Variants in LGI2 observed in about 807,000 individuals in gnomAD.
LGI2 encodes the protein leucine-rich repeat LGI family member 2.
Under a neutral mutation model 52.0 loss-of-function variants are expected in LGI2, and 30 were observed. The observed-to-expected ratio is 0.58, with a 90% CI of 0.43 to 0.78. The LOEUF (loss-of-function observed/expected upper bound fraction) is 0.78, where lower values mean the gene tolerates loss of function less well. Ranked by LOEUF, LGI2 falls within the 30% of genes least tolerant of loss-of-function variation. The pLI is 0.00. For missense variants in LGI2, 573 were observed against 692.5 expected (o/e 0.83, Z 1.94); for synonymous variants, 270 against 271.8 (o/e 0.99, Z 0.06).
At chr4:25,020,046 T>C (rs1421333109) in intron 4 of LGI2, among the ~76,000 whole-genome samples, 1 of 152,166 alleles carries the variant, frequency 6.6e-6, no homozygotes, top group Non-Finnish European at 1.5e-5. Context: ...TCCCAAGAAG[T>C]TCCCTAATGG....
At chr4:25,026,368 T>C (rs374511176) in intron 3 of LGI2, among the ~76,000 whole-genome samples, 63 of 152,020 alleles carry the variant, frequency 4.1e-4, no homozygotes, top group African/African-American at 1.5e-3. Flanking sequence ...ATGACCTTTT[T>C]TTAAGGAAAA....
Position 25,026,897 on chromosome 4 carries a change from A to C in LGI2, c.312T>G (p.Ala104=), listed in dbSNP as rs761914473. The C allele has an allele frequency of 1.9e-6, 3 of 1,613,722 alleles. No individual in the cohort carries two copies. In the South Asian group the frequency reaches 3.3e-5, roughly 18 times the overall value. Residue 104 remains alanine, a synonymous_variant, in exon 3 of 8, where the codon GCT becomes GCG. Transcript: ENST00000382114. ...SNSFTIIRDD[A]FAGLFHLEYL... ...ATTCAAGATGAAAAAGTCCAGCAAA[A>C]GCATCATCCCGGATGATCGTGAATG...
rs2109428747 is a variant in LGI2, at chr4:25,028,974, G to C, written c.198-396C>G. ...TGTTGGCCTATGAAATGCTGGGGTA[G>C]GATTAAGCATTCCTCTTGGGACCCC... is the stretch of plus-strand genomic sequence containing the variant. On this transcript the variant is annotated intron_variant, in intron 1 of 7. Transcript: ENST00000382114. Among the ~76,000 whole-genome samples, 2 of 152,268 alleles carry C rather than the reference G, an allele frequency of 1.3e-5. 1 individual carries two copies. Among genetic ancestry groups the C allele is most frequent in the Middle Eastern group, 6.8e-3 (2 of 294 alleles).
At chr4:25,018,723 G>T (rs1725851905) in intron 5 of LGI2, among the ~76,000 whole-genome samples, 1 of 152,042 alleles carries the variant, frequency 6.6e-6, no homozygotes, top group Admixed American at 6.6e-5. Context: ...TTAGCTGGGG[G>T]TAGTGGTGTG....
At chr4:24,992,163 G>C in the LGI2 span, among the ~76,000 whole-genome samples, 3 of 152,178 alleles carry the variant, frequency 2.0e-5, no homozygotes, top group South Asian at 2.1e-4. Context: ...GCACACACAG[G>C]AAAGTGCTAG....
the LGI2 span, among the ~76,000 whole-genome samples, chr4:24,993,036 C>T: frequency 6.6e-6 from 1 of 152,196 alleles, no homozygotes; most frequent in Non-Finnish European, 1.5e-5. Context: ...TGACTCCAGA[C>T]AAGTTCCTTA....
chr4:24,993,948 C>T (rs993620), downstream of LGI2, among the ~76,000 whole-genome samples: 17,605 of 152,188 alleles, frequency 0.12, 1,243 homozygotes, highest in East Asian at 0.21. Flanking sequence ...GCAGATACTC[C>T]ACTTTGCTGA....
At position 25,002,594 on chromosome 4, in the gene LGI2, G is replaced by C. The variant is rs1226377500; in HGVS notation, c.*857C>G. On this transcript the variant is annotated 3_prime_UTR_variant, in exon 8 of 8. Transcript: ENST00000382114. ...GAAATAACTGTTTCATCCCTCTAAA[G>C]GATGAAATGAAAAGCACCAGTCTTT... is the stretch of plus-strand genomic sequence containing the variant. The C allele has an allele frequency of 6.6e-6, 1 of 152,608 alleles. No individual in the cohort carries two copies. The highest frequency in any genetic ancestry group is 1.5e-5 in the Non-Finnish European group (1 of 68,034). 9.5% of individuals were successfully genotyped at this position (152,608 alleles called of 1,614,324 possible).
In LGI2 at chr4:25,030,526, G is replaced by C. The variant is rs898734797; in HGVS notation, c.168C>G (p.Pro56=). Residue 56 remains proline, a synonymous_variant, in exon 1 of 8, where the codon CCC becomes CCG. Transcript: ENST00000382114. Reference sequence around the variant, plus strand: ...AGCTGATGTCGCCCGGCACGATCCTGGGCACCCAGGAAGAGCCCACGCAGA... The same window carrying C: ...AGCTGATGTCGCCCGGCACGATCCTCGGCACCCAGGAAGAGCCCACGCAGA... ...SIICVGSSWV[P]RIVPGDISSL... 1.1e-5 allele frequency: 18 copies of C among 1,596,168 alleles called. No homozygotes were observed. The African/African-American group carries it at 2.3e-4, about 20-fold the overall frequency.
At chr4:25,015,022 T>C (rs1180648622) in intron 6 of LGI2, among the ~76,000 whole-genome samples, 2 of 152,210 alleles carry the variant, frequency 1.3e-5, no homozygotes, top group East Asian at 3.8e-4. Context: ...CACATATTGA[T>C]GTGACATCAA....
chr4:25,017,259 T>A (rs955473641), intron 6 of LGI2, among the ~76,000 whole-genome samples: 1 of 152,098 alleles, frequency 6.6e-6, no homozygotes, highest in Non-Finnish European at 1.5e-5. Context: ...AGTCTGGTGT[T>A]TGGGCCAGGC....
intron 4 of LGI2, among the ~76,000 whole-genome samples, chr4:25,023,462 C>CA (rs1726041437): frequency 6.6e-6 from 1 of 152,254 alleles, no homozygotes; most frequent in South Asian, 2.1e-4. Context: ...TCTGCTCCCT[C>CA]ATCTCCTTAC....
At chr4:25,017,902 C>A (rs922883479) in intron 6 of LGI2, 87 bp downstream of exon 6, 5 of 1,203,250 alleles carry the variant, frequency 4.2e-6, no homozygotes, top group Non-Finnish European at 5.6e-6. Context: ...TCTATATTCA[C>A]TTTTCCCCAG....
downstream of LGI2, among the ~76,000 whole-genome samples, chr4:24,995,883 G>A (rs1725061313): frequency 6.6e-6 from 1 of 152,224 alleles, no homozygotes; most frequent in Admixed American, 6.5e-5. Context: ...AACATTTAGA[G>A]CTCCTTTCTC....
At chr4:25,008,445 C>T (rs144502770) in intron 7 of LGI2, among the ~76,000 whole-genome samples, 53 of 149,566 alleles carry the variant, frequency 3.5e-4, no homozygotes, top group African/African-American at 1.3e-3. Flanking sequence ...CCCAGATACT[C>T]GGGAGGCTGA....
chr4:25,008,553 CAAAAAAA>C (rs33920247), intron 7 of LGI2, among the ~76,000 whole-genome samples: 1 of 86,012 alleles, frequency 1.2e-5, no homozygotes, highest in Non-Finnish European at 2.3e-5. Flanking sequence ...GACTCTGTCT[CAAAAAAA>C]AAAAAAAAAA....
Position 24,999,548 on chromosome 4 carries a change from T to A in LGI2, c.*3903A>T, listed in dbSNP as rs1433420422. The A allele has an allele frequency of 4.2e-6, 1 of 237,966 alleles. No homozygotes were observed. The highest frequency in any genetic ancestry group is 2.3e-5 in the African/African-American group (1 of 43,390). 14.7% of individuals were successfully genotyped at this position (237,966 alleles called of 1,614,324 possible). Reference sequence around the variant, plus strand: ...TTGGCCGCTGCCTAATTAAAGAACTTCCTTCCGCAGCTGCGAAGGAGAGGC... The same window carrying A: ...TTGGCCGCTGCCTAATTAAAGAACTACCTTCCGCAGCTGCGAAGGAGAGGC... On this transcript the variant is annotated 3_prime_UTR_variant, in exon 8 of 8. Transcript: ENST00000382114.
intron 6 of LGI2, among the ~76,000 whole-genome samples, chr4:25,016,754 A>G (rs913543814): frequency 1.3e-5 from 2 of 152,308 alleles, no homozygotes; most frequent in African/African-American, 4.8e-5. Flanking sequence ...TGGCCTAAAT[A>G]TGATATTTTG....
At chr4:25,005,399 T>C (rs1043286529) in intron 7 of LGI2, among the ~76,000 whole-genome samples, 24 of 152,022 alleles carry the variant, frequency 1.6e-4, no homozygotes, top group Non-Finnish European at 1.6e-4. Context: ...GAGGCAGGCA[T>C]ACAATTCAGG....
Sources: gnomAD v4.1 joint callset for allele counts (sites outside exome capture counted in the v4.1 genomes callset) on GRCh38, gnomAD v4.1.1 for gene constraint, MANE v1.5 for transcripts, NCBI Gene and HGNC (gene_info 2026-07-23, HGNC 2026-07-21) for gene names.